Variants in ZDHHC24 observed in about 807,000 individuals in gnomAD.
ZDHHC24 encodes the protein probable palmitoyltransferase ZDHHC24.
In ZDHHC24, 17 loss-of-function variants were observed where a neutral mutation model predicts 23.2. The ratio of observed to expected loss-of-function variants is 0.73; its 90% CI spans 0.50 to 1.10. The LOEUF (loss-of-function observed/expected upper bound fraction) is 1.10. Among genes scored for constraint, ZDHHC24 ranks in the 50% least tolerant of loss-of-function variants. The pLI is 0.00. For synonymous variants in ZDHHC24, 186 were observed against 194.5 expected, an observed-to-expected ratio of 0.96 and a Z score of 0.36; for missense variants, 366 against 393.0, an observed-to-expected ratio of 0.93 and a Z score of 0.58.
chr11:66,529,704 G>A (rs1277471180), intron 2 of ZDHHC24: 2 of 1,344,864 alleles, frequency 1.5e-6, no homozygotes, highest in African/African-American at 2.9e-5. Context: ...GACTCCTCCT[G>A]CAGCACCCTC....
At chr11:66,542,142 G>A (rs1198587839) in intron 2 of ZDHHC24, among the ~76,000 whole-genome samples, 3 of 152,100 alleles carry the variant, frequency 2.0e-5, no homozygotes, top group African/African-American at 7.2e-5. Flanking sequence ...CTCAGTGCTG[G>A]AGCTTGGAGT....
chr11:66,521,508 A>G lies in ZDHHC24; in HGVS notation c.*22-42T>C. 3 of 756,356 alleles carry G rather than the reference A, an allele frequency of 4.0e-6. 1 individual carries two copies. In the South Asian group the frequency reaches 4.4e-5, roughly 11 times the overall value. The allele number at this position is 756,356 out of a possible 1,614,324, so 46.9% of individuals were successfully genotyped here. On this transcript the variant is annotated intron_variant, in intron 4 of 4. Transcript: ENST00000526986. ...CAAAGAGCTGAGAACTTCATAAAGG[A>G]GGCTGAGCCCACAAACACAGGGGAG...
At chr11:66,539,935 G>T (rs1857101258) in intron 2 of ZDHHC24, 111 bp from the exon 3 acceptor site, 2 of 1,134,940 alleles carry the variant, frequency 1.8e-6, no homozygotes, top group East Asian at 5.8e-5. Context: ...AGCAAACCCT[G>T]TGTCGATACT....
At chr11:66,531,658 AC>A (rs1856785950), downstream of ZDHHC24, 2 of 1,613,978 alleles carry the variant, frequency 1.2e-6, no homozygotes, top group Non-Finnish European at 1.7e-6. Flanking sequence ...AAACTTAGGT[AC>A]CCTTGCTGGT....
intron 4 of ZDHHC24, among the ~76,000 whole-genome samples, chr11:66,525,315 C>T (rs1032231026): frequency 1.3e-4 from 20 of 151,946 alleles, no homozygotes; most frequent in African/African-American, 4.4e-4. Flanking sequence ...ACTGAGATCG[C>T]GCCACTGCAC....
chr11:66,529,349 T>G lies in ZDHHC24; in HGVS notation c.699A>C (p.Ser233=), dbSNP rs910092785. Residue 233 remains serine (S), a synonymous_variant, in exon 3 of 5, where the codon TCA becomes TCC. Transcript: ENST00000526986. ...TTCCGCAGCATTGAGCCTGAGGTGT[T>G]GATGGGACCTCCCTGTGGAGATGAG... 4 of 1,519,592 alleles carry G rather than the reference T, an allele frequency of 2.6e-6. No homozygotes were observed. In the Admixed American group the frequency reaches 5.9e-5, roughly 22 times the overall value. 94.1% of individuals were successfully genotyped at this position (1,519,592 alleles called of 1,614,324 possible). A position where few individuals can be genotyped will look rare whatever the true frequency, so the allele number is the denominator to read the frequency against.
chr11:66,540,930 C>T (rs1293212655), intron 2 of ZDHHC24, among the ~76,000 whole-genome samples: 1 of 152,060 alleles, frequency 6.6e-6, no homozygotes, highest in Non-Finnish European at 1.5e-5. Context: ...ATAGGCAAGT[C>T]CACAGAGACA....
downstream of ZDHHC24, chr11:66,531,859 G>A (rs981086008): frequency 6.3e-7 from 1 of 1,594,562 alleles, no homozygotes; most frequent in African/African-American, 1.3e-5. Context: ...TATCTGCACA[G>A]TGGAGCCCTG....
chr11:66,529,792 G>A (rs199895048), intron 2 of ZDHHC24: 100 of 1,608,630 alleles, frequency 6.2e-5, no homozygotes, highest in Middle Eastern at 1.7e-4. Context: ...CACCTCCACC[G>A]TCAGCCTCTG....
chr11:66,531,532 C>T, downstream of ZDHHC24: 1 of 1,252,564 alleles, frequency 8.0e-7, no homozygotes, highest in Non-Finnish European at 1.2e-6. Context: ...CTCCACCCAG[C>T]AGTTGTCCTG....
intron 2 of ZDHHC24, chr11:66,529,973 A>G (rs1856700766): frequency 1.9e-6 from 3 of 1,592,442 alleles, no homozygotes. Context: ...GGGTGAGGGC[A>G]GAGTCAGGGC....
chr11:66,540,303 C>T lies in ZDHHC24; in HGVS notation c.560-479G>A, dbSNP rs563334072. Among the ~76,000 whole-genome samples, 3 of 151,948 alleles carry T rather than the reference C, an allele frequency of 2.0e-5. No individual in the cohort carries two copies. In the South Asian group the frequency reaches 6.2e-4, roughly 32 times the overall value. Reference sequence around the variant, plus strand: ...ACGTGGTGGCAGGCGCCTGTAATCCCAGCTACTCAGGAGGCTGGGGGGCTC... The same window carrying T: ...ACGTGGTGGCAGGCGCCTGTAATCCTAGCTACTCAGGAGGCTGGGGGGCTC... On this transcript the variant is annotated intron_variant, in intron 2 of 2. Coordinates refer to ENST00000310442, the MANE Select transcript of ZDHHC24 (RefSeq NM_207340.3).
chr11:66,531,707 A>C (rs184614863), downstream of ZDHHC24: 5 of 1,613,802 alleles, frequency 3.1e-6, no homozygotes, highest in Non-Finnish European at 3.4e-6. Context: ...CTTTGTGGAG[A>C]GTCTCAGTAA....
Position 66,543,693 on chromosome 11 carries a change from A to G in ZDHHC24, c.559+11T>C. 6.4e-7 allele frequency: 1 copy of G among 1,563,714 alleles called. No homozygotes were observed. Among genetic ancestry groups the G allele is most frequent in the East Asian group, 2.4e-5 (1 of 42,126 alleles). On this transcript the variant is annotated intron_variant, in intron 2 of 2. Transcript: ENST00000310442. ...CCCTGCCTCTGTGCAGAGGCCTCCC[A>G]GGCTCCCCACCTGTGAGCAACATGA...
chr11:66,543,576 C>T (rs566549289), intron 2 of ZDHHC24, 128 bp downstream of exon 2: 2 of 1,233,604 alleles, frequency 1.6e-6, no homozygotes, highest in East Asian at 2.6e-5. Flanking sequence ...GCTGCCCTTA[C>T]TGGCCATCAC....
At chr11:66,530,111 T>C (rs949367085) in intron 2 of ZDHHC24, among the ~76,000 whole-genome samples, 9 of 152,060 alleles carry the variant, frequency 5.9e-5, no homozygotes, top group African/African-American at 2.2e-4. Flanking sequence ...GAGTCTCATG[T>C]CCTCCTTTGT....
At chr11:66,522,858 A>G in intron 4 of ZDHHC24, 1 of 308,996 alleles carries the variant, frequency 3.2e-6, no homozygotes, top group South Asian at 2.8e-5. Flanking sequence ...GAAAAATAAC[A>G]GGTAAGGGTG....
At chr11:66,544,079 AGCCATTT>A in intron 1 of ZDHHC24, 98 bp from the exon 2 acceptor site, 1 of 1,496,736 alleles carries the variant, frequency 6.7e-7, no homozygotes, top group Non-Finnish European at 9.1e-7. Context: ...AAGTGGCAAC[AGCCATTT>A]GCCCTGGCTA....
intron 4 of ZDHHC24, chr11:66,523,433 A>G (rs1296298865): frequency 6.2e-7 from 1 of 1,614,140 alleles, no homozygotes; most frequent in Non-Finnish European, 8.5e-7. Context: ...CTGGGGCCAG[A>G]CAGTGTGTTG....
Sources: gnomAD v4.1 joint callset for allele counts (sites outside exome capture counted in the v4.1 genomes callset) on GRCh38, gnomAD v4.1.1 for gene constraint, MANE v1.5 for transcripts, NCBI Gene and HGNC (gene_info 2026-07-23, HGNC 2026-07-21) for gene names.